CSMD1: variants seen among roughly 807,000 people sequenced by gnomAD.
The protein encoded by CSMD1 is CUB and sushi domain-containing protein 1.
Under a neutral mutation model 417.5 loss-of-function variants are expected in CSMD1, and 213 were observed. The observed-to-expected ratio is 0.51, with a 90% CI of 0.46 to 0.57. The LOEUF is 0.57. Ranked by LOEUF, CSMD1 falls within the 20% of genes least tolerant of loss-of-function variation. The pLI is 0.00. For synonymous variants in CSMD1, 2,862 were observed against 1,736.8 expected, an observed-to-expected ratio of 1.65 and a Z score of -16.11; for missense variants, 6,923 against 4,529.7, an observed-to-expected ratio of 1.53 and a Z score of -15.17.
At chr8:3,062,519 T>A (rs1323865379) in intron 49 of CSMD1, among the ~76,000 whole-genome samples, 1 of 148,400 alleles carries the variant, frequency 6.7e-6, no homozygotes, top group Non-Finnish European at 1.5e-5. Flanking sequence ...TTGCAGACAC[T>A]AAAGCAAACT....
intron 4 of CSMD1, among the ~76,000 whole-genome samples, chr8:4,005,138 G>T (rs56041615): frequency 0.12 from 17,730 of 152,076 alleles, 1,168 homozygotes; most frequent in East Asian, 0.2. Context: ...GATTTGGGGG[G>T]AAGAGTGGGA....
At chr8:4,436,190 C>T (rs554217998) in intron 2 of CSMD1, among the ~76,000 whole-genome samples, 2 of 152,288 alleles carry the variant, frequency 1.3e-5, no homozygotes, top group South Asian at 2.1e-4. Flanking sequence ...CTTACAGACA[C>T]TGGCTTTAGG....
intron 10 of CSMD1, among the ~76,000 whole-genome samples, chr8:3,530,143 T>A (rs1258246302): frequency 6.6e-6 from 1 of 152,188 alleles, no homozygotes; most frequent in Non-Finnish European, 1.5e-5. Flanking sequence ...AAGTTCATTT[T>A]CTCTGTTGTT....
At chr8:3,435,633 A>G (rs1814511011) in intron 12 of CSMD1, among the ~76,000 whole-genome samples, 1 of 152,152 alleles carries the variant, frequency 6.6e-6, no homozygotes, top group South Asian at 2.1e-4. Context: ...ATGAGCTGTT[A>G]CATGAGGCAA....
rs546422418 is a variant in CSMD1 at position 4,602,021 on chromosome 8, G to C, written c.302+35321C>G. On this transcript the variant is annotated intron_variant, in intron 2 of 69. Coordinates refer to ENST00000635120, the MANE Select transcript of CSMD1 (RefSeq NM_033225.6). The stretch of plus-strand genomic sequence containing the variant: ...TATCTTTACCTTCCAAATGACATTT[G>C]CTAGCAGGCATTCCCCAAGAAGAAT... Among the ~76,000 whole-genome samples, 3 of 152,126 alleles carry C rather than the reference G, an allele frequency of 2.0e-5. No individual in the cohort carries two copies. In the South Asian group the frequency reaches 6.2e-4, roughly 31 times the overall value.
At chr8:3,955,832 GC>G (rs1188278427) in intron 5 of CSMD1, among the ~76,000 whole-genome samples, 24 of 152,262 alleles carry the variant, frequency 1.6e-4, no homozygotes, top group African/African-American at 5.3e-4. Context: ...GGTTCACTTT[GC>G]CCCCTGCCAC....
Position 4,089,085 on chromosome 8 carries a change from C to T in CSMD1, c.416-56986G>A, listed in dbSNP as rs192943127. The stretch of plus-strand genomic sequence containing the variant: ...CGCCAGAGCTTCTGACAAATAGTAC[C>T]ATGTAGGATTCAGGAAACTTAACAC... On this transcript the variant is annotated intron_variant, in intron 3 of 69. Coordinates refer to ENST00000635120, the MANE Select transcript of CSMD1 (RefSeq NM_033225.6). Among the ~76,000 whole-genome samples, 11 of 152,260 alleles carry T rather than the reference C, an allele frequency of 7.2e-5. No individual in the cohort carries two copies. In the East Asian group the frequency reaches 1.9e-3, roughly 27 times the overall value.
intron 51 of CSMD1, among the ~76,000 whole-genome samples, chr8:3,027,145 A>C (rs180888515): frequency 1.6e-4 from 24 of 152,284 alleles, no homozygotes; most frequent in Non-Finnish European, 3.2e-4. Flanking sequence ...TATATAGTAG[A>C]TATAAGAATA....
intron 5 of CSMD1, among the ~76,000 whole-genome samples, chr8:3,848,324 C>T (rs1421466475): frequency 7.9e-5 from 12 of 152,158 alleles, no homozygotes; most frequent in Admixed American, 7.9e-4. Flanking sequence ...GAGATCACCA[C>T]ATCAAAAGGA....
chr8:2,974,386 G>A lies in CSMD1; in HGVS notation c.8740+65C>T, dbSNP rs186475826. 353 of 1,331,098 alleles carry A rather than the reference G, an allele frequency of 2.7e-4. No individual in the cohort carries two copies. The African/African-American group carries it at 4.5e-3, about 17-fold the overall frequency. The allele number at this position is 1,331,098 out of a possible 1,614,324, so 82.5% of individuals were successfully genotyped here. On this transcript the variant is annotated intron_variant, in intron 56 of 69. Transcript: ENST00000635120. Reference sequence around the variant, plus strand: ...AAATAACTGTAAATCATCATTATTTGAAATCACTATTTGAAAAGTTATTTG... The same window carrying A: ...AAATAACTGTAAATCATCATTATTTAAAATCACTATTTGAAAAGTTATTTG...
chr8:4,566,991 A>G (rs1435092867), intron 2 of CSMD1, among the ~76,000 whole-genome samples: 1 of 152,180 alleles, frequency 6.6e-6, no homozygotes, highest in Non-Finnish European at 1.5e-5. Context: ...CACTTTCTCC[A>G]ATGAAATCCT....
At chr8:3,008,580 T>C (rs1808141027) in intron 52 of CSMD1, among the ~76,000 whole-genome samples, 1 of 152,078 alleles carries the variant, frequency 6.6e-6, no homozygotes, top group African/African-American at 2.4e-5. Context: ...GAGTGAACAC[T>C]CAGAAACTGG....
chr8:4,133,003 G>A (rs892101900), intron 3 of CSMD1, among the ~76,000 whole-genome samples: 3 of 151,996 alleles, frequency 2.0e-5, no homozygotes, highest in East Asian at 3.9e-4. Context: ...GCGCGATCTC[G>A]GCTCACTGCA....
intron 52 of CSMD1, among the ~76,000 whole-genome samples, chr8:3,002,557 T>C (rs1303878915): frequency 3.9e-5 from 6 of 152,208 alleles, no homozygotes; most frequent in African/African-American, 9.6e-5. Flanking sequence ...CCAAAGGCAA[T>C]AGTGATGTGA....
intron 8 of CSMD1, among the ~76,000 whole-genome samples, chr8:3,615,230 T>A (rs546086163): frequency 1.0e-3 from 152 of 152,242 alleles, no homozygotes; most frequent in African/African-American, 3.5e-3. Flanking sequence ...AAGCCATTTA[T>A]TGACAGACAG....
intron 8 of CSMD1, among the ~76,000 whole-genome samples, chr8:3,593,591 G>A (rs768797875): frequency 2.0e-5 from 3 of 152,158 alleles, no homozygotes; most frequent in African/African-American, 2.4e-5. Context: ...GCTTCACTGG[G>A]AAATCACTAA....
chr8:4,013,586 C>T (rs1405659457), intron 4 of CSMD1, among the ~76,000 whole-genome samples: 1 of 152,160 alleles, frequency 6.6e-6, no homozygotes, highest in Admixed American at 6.5e-5. Context: ...CTTATTTCAA[C>T]AGGACAGCAA....
intron 3 of CSMD1, among the ~76,000 whole-genome samples, chr8:4,072,862 A>G (rs113713617): frequency 5.3e-5 from 8 of 152,330 alleles, no homozygotes; most frequent in African/African-American, 1.9e-4. Flanking sequence ...TAGAAGCTTG[A>G]AAATAAACCC....
intron 7 of CSMD1, among the ~76,000 whole-genome samples, chr8:3,650,371 A>G (rs1203185642): frequency 2.6e-5 from 4 of 152,190 alleles, no homozygotes; most frequent in Non-Finnish European, 5.9e-5. Context: ...TACATGTGTT[A>G]CCATGCTTTA....
Sources: allele counts gnomAD v4.1 joint callset (sites outside exome capture counted in the v4.1 genomes callset), GRCh38; gene constraint gnomAD v4.1.1; transcripts MANE v1.5; gene names NCBI Gene and HGNC (gene_info 2026-07-23, HGNC 2026-07-21).